Variants in ZBTB40 observed in about 807,000 individuals in gnomAD.
The protein encoded by ZBTB40 is zinc finger and BTB domain-containing protein 40.
ZBTB40 carries 60 observed loss-of-function variants against 117.5 expected under a neutral mutation model. The observed-to-expected ratio is 0.51, with a 90% CI of 0.41 to 0.63. The LOEUF (loss-of-function observed/expected upper bound fraction) is 0.63, where lower values mean the gene tolerates loss of function less well. Ranked by LOEUF, ZBTB40 falls within the 30% of genes least tolerant of loss-of-function variation. The pLI is 0.00. For synonymous variants in ZBTB40, 525 were observed against 577.1 expected (o/e 0.91, Z 1.29); for missense variants, 1,287 against 1,498.5 (o/e 0.86, Z 2.33).
chr1:22,527,718 G>C lies in ZBTB40; in HGVS notation c.*1322G>C, dbSNP rs1399234807. The C allele has an allele frequency of 6.6e-6, 1 of 152,448 alleles. No homozygotes were observed. The highest frequency in any genetic ancestry group is 1.5e-5 in the Non-Finnish European group (1 of 68,074). 9.4% of individuals were successfully genotyped at this position (152,448 alleles called of 1,614,324 possible). A position where few individuals can be genotyped will look rare whatever the true frequency, so the allele number is the denominator to read the frequency against. The stretch of plus-strand genomic sequence containing the variant: ...GAGATGGGGCCACCCCTTCCTTCCA[G>C]GCACATCTCACATTGCCATGTACAG... On this transcript the variant is annotated 3_prime_UTR_variant, in exon 18 of 18. Coordinates refer to ENST00000375647, the MANE Select transcript of ZBTB40 (RefSeq NM_014870.4).
rs554034229 is a variant in ZBTB40 at position 22,430,921 on chromosome 1, T to C, written c.-70+1907T>C. On this transcript the variant is annotated intron_variant, in intron 1 of 8. Transcript: ENST00000650433. ...CCAATATGTTGCCAATTCTTAGTAA[T>C]TTATTAATTCTTTTGTAGCTTAGCA... Among the ~76,000 whole-genome samples the C allele has an allele frequency of 2.6e-5, 4 of 152,304 alleles. No homozygotes were observed. The South Asian group carries it at 8.3e-4, about 32-fold the overall frequency.
intron 1 of ZBTB40, among the ~76,000 whole-genome samples, chr1:22,431,053 G>A (rs1021071684): frequency 6.6e-6 from 1 of 151,738 alleles, no homozygotes; most frequent in Non-Finnish European, 1.5e-5. Context: ...TTGTTCAAAT[G>A]TTCTGTATCC....
Position 22,512,044 on chromosome 1 carries a change from G to A in ZBTB40, c.2371G>A (p.Ala791Thr). ...CAAACATCAGCTGGAGGCCCATGGT[G>A]CAGGTGGAGAGCCCGATGCCCCCAA... ...LDKHQLEAHG[A>T]GGEPDAPKKK... The change falls in exon 11 of 18, where the codon GCA becomes ACA. Residue 791 changes from alanine (A) to threonine (T), a missense_variant. Coordinates refer to ENST00000375647, the MANE Select transcript of ZBTB40 (RefSeq NM_014870.4). 1 of 1,614,158 alleles carries A rather than the reference G, an allele frequency of 6.2e-7. No homozygotes were observed. Among genetic ancestry groups the A allele is most frequent in the Non-Finnish European group, 8.5e-7 (1 of 1,180,040 alleles).
intron 1 of ZBTB40, among the ~76,000 whole-genome samples, chr1:22,481,157 C>A (rs1638297136): frequency 6.6e-6 from 1 of 151,986 alleles, no homozygotes; most frequent in African/African-American, 2.4e-5. Context: ...TTTTTTCAAG[C>A]CTATGTATTT....
chr1:22,520,338 C>A, intron 14 of ZBTB40, 63 bp downstream of exon 14: 1 of 1,383,764 alleles, frequency 7.2e-7, no homozygotes, highest in Non-Finnish European at 1.0e-6. Flanking sequence ...ATTTGATCTT[C>A]CCTGATGCCC....
At chr1:22,440,960 C>T (rs926282495) in intron 1 of ZBTB40, among the ~76,000 whole-genome samples, 6 of 152,086 alleles carry the variant, frequency 3.9e-5, no homozygotes, top group African/African-American at 1.4e-4. Flanking sequence ...GTGCCCTTGT[C>T]TGGCTTTGGT....
chr1:22,498,981 C>A (rs1220749363), intron 3 of ZBTB40, among the ~76,000 whole-genome samples: 9 of 152,230 alleles, frequency 5.9e-5, no homozygotes, highest in African/African-American at 9.6e-5. Context: ...CTAGCAACTT[C>A]AAGCAACAAA....
chr1:22,487,186 C>T (rs570259266), intron 1 of ZBTB40, among the ~76,000 whole-genome samples: 47 of 152,196 alleles, frequency 3.1e-4, no homozygotes, highest in African/African-American at 1.0e-3. Flanking sequence ...GCTTTTAGGA[C>T]GTGGTGACTT....
At chr1:22,507,821 G>A (rs559319627) in intron 6 of ZBTB40, among the ~76,000 whole-genome samples, 180 bp from the exon 7 acceptor site, 11 of 152,308 alleles carry the variant, frequency 7.2e-5, no homozygotes, top group African/African-American at 1.9e-4. Flanking sequence ...AGCGCCAAGC[G>A]ATTAAGTGTA....
intron 1 of ZBTB40, among the ~76,000 whole-genome samples, chr1:22,463,518 T>C (rs1008042478): frequency 3.3e-5 from 5 of 152,228 alleles, no homozygotes; most frequent in African/African-American, 7.2e-5. Context: ...TTTGAAAGCA[T>C]TGGAGTGGTA....
chr1:22,442,815 A>G (rs962455359), intron 1 of ZBTB40, among the ~76,000 whole-genome samples: 30 of 152,174 alleles, frequency 2.0e-4, no homozygotes, highest in Non-Finnish European at 2.9e-5. Context: ...TGTTCTATCC[A>G]TTGTTGAGAG....
intron 1 of ZBTB40, among the ~76,000 whole-genome samples, chr1:22,468,596 C>G (rs1480747890): frequency 7.3e-6 from 1 of 136,208 alleles, no homozygotes; most frequent in Non-Finnish European, 1.5e-5. Context: ...CTCCCTCAGC[C>G]TTCCAACTAG....
chr1:22,506,708 TAGAA>T (rs1639085166), intron 6 of ZBTB40, among the ~76,000 whole-genome samples: 1 of 152,158 alleles, frequency 6.6e-6, no homozygotes. Context: ...TCCTATTTCT[TAGAA>T]AGACAATCCA....
At chr1:22,495,975 T>C (rs1344566033) in intron 3 of ZBTB40, among the ~76,000 whole-genome samples, 1 of 152,230 alleles carries the variant, frequency 6.6e-6, no homozygotes, top group Non-Finnish European at 1.5e-5. Flanking sequence ...AGGTAGGGGT[T>C]GGACAGGACG....
Position 22,521,651 on chromosome 1 carries a change from A to T in ZBTB40, c.3204A>T (p.Glu1068Asp). ...TIEHKKHIKA[E>D]HADMKFHECD... ...AGCACAAGAAGCACATCAAAGCAGA[A>T]CATGCAGGTGGAGTTTGGGTACCGC... Residue 1068 changes from glutamate to aspartate, a missense_variant, in exon 15 of 18, where the codon GAA becomes GAT. Glu to Asp is a conservative substitution (Grantham distance 45, BLOSUM62 2). Coordinates refer to ENST00000375647, the MANE Select transcript of ZBTB40 (RefSeq NM_014870.4). The T allele has an allele frequency of 6.2e-7, 1 of 1,614,226 alleles. No homozygotes were observed. Among genetic ancestry groups the T allele is most frequent in the South Asian group, 1.1e-5 (1 of 91,086 alleles).
chr1:22,491,270 A>G lies in ZBTB40; in HGVS notation c.698-130A>G, dbSNP rs532514107. The G allele has an allele frequency of 4.2e-4, 379 of 911,368 alleles. 4 individuals carry two copies. The South Asian group carries it at 5.4e-3, about 13-fold the overall frequency. The allele number at this position is 911,368 out of a possible 1,614,324, so 56.5% of individuals were successfully genotyped here. A position where few individuals can be genotyped will look rare whatever the true frequency, so the allele number is the denominator to read the frequency against. ...TGAGAGATACTGTTGTCTGTTATTC[A>G]TAACTGATGTGCTAGACAGAGATCA... On this transcript the variant is annotated intron_variant, in intron 2 of 17. Coordinates refer to ENST00000375647, the MANE Select transcript of ZBTB40 (RefSeq NM_014870.4).
intron 3 of ZBTB40, among the ~76,000 whole-genome samples, chr1:22,492,016 C>T (rs139605137): frequency 5.3e-5 from 8 of 152,248 alleles, no homozygotes; most frequent in African/African-American, 1.2e-4. Flanking sequence ...AAACATTCAA[C>T]GAACACTTCC....
intron 1 of ZBTB40, among the ~76,000 whole-genome samples, chr1:22,433,765 A>G (rs1303025647): frequency 6.6e-6 from 1 of 151,740 alleles, no homozygotes; most frequent in Admixed American, 6.6e-5. Flanking sequence ...TACATAATAC[A>G]GCCTGGGTGA....
intron 13 of ZBTB40, among the ~76,000 whole-genome samples, chr1:22,518,366 A>G (rs1418854756): frequency 6.6e-6 from 1 of 152,202 alleles, no homozygotes; most frequent in Non-Finnish European, 1.5e-5. Flanking sequence ...TTGGATTGTA[A>G]TTAGAATTAA....
Sources: gnomAD v4.1 joint callset for allele counts (sites outside exome capture counted in the v4.1 genomes callset) on GRCh38, gnomAD v4.1.1 for gene constraint, MANE v1.5 for transcripts, NCBI Gene and HGNC (gene_info 2026-07-23, HGNC 2026-07-21) for gene names.